SAR1B: variants seen among roughly 807,000 people sequenced by gnomAD.
The protein encoded by SAR1B is small COPII coat GTPase SAR1B.
SAR1B carries 23 observed loss-of-function variants against 26.8 expected under a neutral mutation model. That is an observed-to-expected ratio of 0.86 (90% confidence interval 0.62 to 1.22). The LOEUF is 1.22. SAR1B is among the 50% of genes most tolerant of loss of function. SAR1B has a pLI of 0.00. For synonymous variants in SAR1B, 65 were observed against 80.8 expected (o/e 0.80, Z 1.05); for missense variants, 196 against 232.8 (o/e 0.84, Z 1.03).
At chr5:134,622,254 A>G (rs1765421855) in intron 2 of SAR1B, among the ~76,000 whole-genome samples, 1 of 152,118 alleles carries the variant, frequency 6.6e-6, no homozygotes, top group Non-Finnish European at 1.5e-5. Flanking sequence ...AGAACTATAT[A>G]TATATTTTAT....
chr5:134,629,465 G>A (rs1355829951), intron 1 of SAR1B, among the ~76,000 whole-genome samples: 3 of 152,060 alleles, frequency 2.0e-5, no homozygotes, highest in South Asian at 2.1e-4. Flanking sequence ...TTGGGAGGCC[G>A]AGGCGGGCAG....
intron 1 of SAR1B, among the ~76,000 whole-genome samples, chr5:134,626,317 A>G (rs1294456443): frequency 1.4e-5 from 2 of 144,682 alleles, no homozygotes; most frequent in Non-Finnish European, 3.0e-5. Flanking sequence ...AAAAAAAAAA[A>G]AAAAAAAAAA....
At position 134,624,036 on chromosome 5, in the gene SAR1B, G is replaced by T; in HGVS notation, c.-17C>A. Reference sequence around the variant, plus strand: ...GAAGGACATATCCAAATCTGATAGGGTCTGAAAAAAAAGAGTTTGAATTTA... The same window carrying T: ...GAAGGACATATCCAAATCTGATAGGTTCTGAAAAAAAAGAGTTTGAATTTA... On this transcript the variant is annotated splice_region_variant and 5_prime_UTR_variant, in exon 2 of 7. Transcript: ENST00000402673. The T allele has an allele frequency of 6.3e-7, 1 of 1,586,836 alleles. No individual in the cohort carries two copies. The highest frequency in any genetic ancestry group is 8.7e-7 in the Non-Finnish European group (1 of 1,155,388).
chr5:134,624,625 GTTTT>G (rs66854508), intron 1 of SAR1B, among the ~76,000 whole-genome samples: 1 of 113,266 alleles, frequency 8.8e-6, no homozygotes. Context: ...AGGGAAGTGA[GTTTT>G]TTTTTTTTTT....
chr5:134,619,527 T>TTTTG (rs1259111423), intron 3 of SAR1B, among the ~76,000 whole-genome samples: 38 of 151,260 alleles, frequency 2.5e-4, no homozygotes, highest in Non-Finnish European at 4.4e-4. Context: ...GCCAGACTAA[T>TTTTG]TTTTTGTTTT....
Position 134,603,665 on chromosome 5 carries a change from GGT to G in SAR1B, c.*3283_*3284del, listed in dbSNP as rs1765080787. ...AATACAAAAATTAGCCGGGCATGGTGGTGCGCGCCTGTAGTCCCAGCTACTCA... is the reference window on the plus strand; with the variant it reads ...AATACAAAAATTAGCCGGGCATGGTGGCGCGCCTGTAGTCCCAGCTACTCA... On this transcript the variant is annotated 3_prime_UTR_variant, in exon 7 of 7. Coordinates refer to ENST00000402673, the MANE Select transcript of SAR1B (RefSeq NM_016103.4). The G allele has an allele frequency of 6.6e-6, 1 of 152,156 alleles. No individual in the cohort carries two copies. Among genetic ancestry groups the G allele is most frequent in the East Asian group, 1.9e-4 (1 of 5,188 alleles). 9.4% of individuals were successfully genotyped at this position (152,156 alleles called of 1,614,324 possible).
At chr5:134,618,332 A>T (rs1479749096) in intron 3 of SAR1B, 4 of 152,028 alleles carry the variant, frequency 2.6e-5, no homozygotes, top group Admixed American at 6.6e-5. Flanking sequence ...AAATAAAAAG[A>T]AAAAAAAGAT....
At chr5:134,614,322 T>C (rs1324603505) in intron 3 of SAR1B, 3 of 152,220 alleles carry the variant, frequency 2.0e-5, no homozygotes, top group Non-Finnish European at 4.4e-5. Flanking sequence ...GCTAATTCCA[T>C]CATCTTTGTC....
chr5:134,619,084 C>G (rs1040879803), intron 3 of SAR1B, among the ~76,000 whole-genome samples: 1 of 151,780 alleles, frequency 6.6e-6, no homozygotes, highest in Non-Finnish European at 1.5e-5. Flanking sequence ...AATCCCAGCA[C>G]TTTGGGAGAC....
chr5:134,616,068 T>C (rs962778028), intron 3 of SAR1B, among the ~76,000 whole-genome samples: 1 of 144,486 alleles, frequency 6.9e-6, no homozygotes, highest in Admixed American at 7.0e-5. Context: ...CAGGCGGAGG[T>C]TGCAGTGAGC....
At chr5:134,629,376 T>C in intron 1 of SAR1B, among the ~76,000 whole-genome samples, 1 of 147,548 alleles carries the variant, frequency 6.8e-6, no homozygotes, top group East Asian at 2.0e-4. Flanking sequence ...CTGGGCAACA[T>C]GGGAAGACCC....
At chr5:134,618,413 T>C (rs1056258731) in intron 3 of SAR1B, 1 of 152,236 alleles carries the variant, frequency 6.6e-6, no homozygotes, top group Non-Finnish European at 1.5e-5. Context: ...CTATCCTCAT[T>C]CTTTGTTCTT....
intron 1 of SAR1B, among the ~76,000 whole-genome samples, chr5:134,626,298 CAAAAAAAAAAAAAAAA>C (rs35668627): frequency 0.048 from 2,570 of 53,420 alleles, 103 homozygotes; most frequent in African/African-American, 0.14. Context: ...GACTCTGCCT[CAAAAAAAAAAAAAAAA>C]AAAAAAAAAA....
At chr5:134,622,024 A>C (rs536749477) in intron 2 of SAR1B, among the ~76,000 whole-genome samples, 9 of 152,104 alleles carry the variant, frequency 5.9e-5, no homozygotes, top group Non-Finnish European at 8.8e-5. Context: ...CGCCCAGCCA[A>C]ACTTTATTTT....
intron 6 of SAR1B, among the ~76,000 whole-genome samples, chr5:134,607,959 A>G (rs1765156757): frequency 6.6e-6 from 1 of 152,192 alleles, no homozygotes; most frequent in Admixed American, 6.5e-5. Context: ...ATCCGTCTTA[A>G]AGCTTATTAT....
chr5:134,612,692 T>G lies in SAR1B; in HGVS notation c.243A>C (p.Gln81His). 3.1e-6 allele frequency: 2 copies of G among 643,120 alleles called. No individual in the cohort carries two copies. Among genetic ancestry groups the G allele is most frequent in the Non-Finnish European group, 5.0e-6 (2 of 399,230 alleles). 39.8% of individuals were successfully genotyped at this position (643,120 alleles called of 1,614,324 possible). ...AAAAAAAAAAAAAAAGAATCTTACC[T>G]TGAACATGTCCACCCAGATCAAAAG... is the stretch of plus-strand genomic sequence containing the variant. ...FTTFDLGGHVQARRVWKNYLP... is the reference protein window; with the variant it reads ...FTTFDLGGHVHARRVWKNYLP... The change falls in exon 4 of 7, where the codon CAA becomes CAC. Residue 81 changes from glutamine to histidine, a missense_variant and splice_region_variant. Gln to His is a conservative substitution (Grantham distance 24, BLOSUM62 0). Coordinates refer to ENST00000402673, the MANE Select transcript of SAR1B (RefSeq NM_016103.4).
intron 6 of SAR1B, among the ~76,000 whole-genome samples, chr5:134,607,824 T>G (rs940482443): frequency 4.6e-5 from 7 of 151,614 alleles, no homozygotes; most frequent in African/African-American, 1.5e-4. Flanking sequence ...TTCTCCACCC[T>G]GAAATAGTAT....
intron 3 of SAR1B, 138 bp from the exon 4 acceptor site, chr5:134,612,894 A>T: frequency 2.7e-6 from 2 of 740,224 alleles, no homozygotes; most frequent in Non-Finnish European, 4.5e-6. Context: ...TAGAAGCAAA[A>T]TTGATTCAAA....
chr5:134,606,345 A>G lies in SAR1B; in HGVS notation c.*605T>C, dbSNP rs1274851274. 1 of 155,762 alleles carries G rather than the reference A, an allele frequency of 6.4e-6. No homozygotes were observed. Among genetic ancestry groups the G allele is most frequent in the African/African-American group, 2.4e-5 (1 of 41,472 alleles). 9.6% of individuals were successfully genotyped at this position (155,762 alleles called of 1,614,324 possible). On this transcript the variant is annotated 3_prime_UTR_variant, in exon 7 of 7. Coordinates refer to ENST00000402673, the MANE Select transcript of SAR1B (RefSeq NM_016103.4). ...AATCTCCTTTCCCAACAACCACTTC[A>G]TATGCCTAATATTAAATACTCAAAT...
Sources: allele counts gnomAD v4.1 joint callset (sites outside exome capture counted in the v4.1 genomes callset), GRCh38; gene constraint gnomAD v4.1.1; transcripts MANE v1.5; gene names NCBI Gene and HGNC (gene_info 2026-07-23, HGNC 2026-07-21).